The following GMEB1 variants were observed in gnomAD, a reference collection of about 807,000 sequenced individuals.
GMEB1 encodes the protein glucocorticoid modulatory element binding protein 1.
Under a neutral mutation model 52.4 loss-of-function variants are expected in GMEB1, and 6 were observed. That is an observed-to-expected ratio of 0.11 (90% confidence interval 0.06 to 0.23). The LOEUF is 0.23. GMEB1 is among the 10% of genes least tolerant of loss of function. GMEB1 has a pLI of 1.00. For missense variants in GMEB1, 486 were observed against 685.6 expected, an observed-to-expected ratio of 0.71 and a Z score of 3.25; for synonymous variants, 255 against 244.9, an observed-to-expected ratio of 1.04 and a Z score of -0.38.
intron 2 of GMEB1, among the ~76,000 whole-genome samples, chr1:28,684,884 C>T (rs933560273): frequency 6.6e-6 from 1 of 152,082 alleles, no homozygotes; most frequent in Admixed American, 6.6e-5. Flanking sequence ...ATAAAAATTC[C>T]AGTTCTAATC....
intron 1 of GMEB1, among the ~76,000 whole-genome samples, chr1:28,676,720 G>A (rs1027977392): frequency 4.7e-5 from 6 of 128,634 alleles, no homozygotes; most frequent in South Asian, 6.1e-4. Context: ...GCAAGACTCC[G>A]TCTCAAAAAA....
intron 3 of GMEB1, 97 bp downstream of exon 3, chr1:28,690,283 T>C: frequency 1.6e-6 from 1 of 622,530 alleles, no homozygotes; most frequent in Non-Finnish European, 2.7e-6. Context: ...CATCTGTGCC[T>C]TATGTTTTTC....
intron 8 of GMEB1, 26 bp downstream of exon 8, chr1:28,704,355 C>T (rs1307939987): frequency 6.3e-7 from 1 of 1,598,184 alleles, no homozygotes; most frequent in Non-Finnish European, 8.5e-7. Flanking sequence ...CTAACAGTAG[C>T]AGTGATTTAT....
In GMEB1 at chr1:28,709,807, G is replaced by A. The variant is rs546667828; in HGVS notation, c.869-713G>A. Among the ~76,000 whole-genome samples the A allele has an allele frequency of 2.0e-5, 3 of 151,832 alleles. No individual in the cohort carries two copies. The East Asian group carries it at 5.8e-4, about 29-fold the overall frequency. ...TTACCCAGCTAATTTTTGTATTTTTGTTAGAGACTGGGATTACAAATGTGA... is the reference window on the plus strand; with the variant it reads ...TTACCCAGCTAATTTTTGTATTTTTATTAGAGACTGGGATTACAAATGTGA... On this transcript the variant is annotated intron_variant, in intron 8 of 9. Transcript: ENST00000373816.
At chr1:28,706,523 G>C (rs1670775611) in intron 8 of GMEB1, among the ~76,000 whole-genome samples, 1 of 151,354 alleles carries the variant, frequency 6.6e-6, no homozygotes, top group African/African-American at 2.4e-5. Flanking sequence ...AGAATCGCTT[G>C]AACCCGGCAG....
At chr1:28,694,175 T>C (rs2124522662) in intron 5 of GMEB1, among the ~76,000 whole-genome samples, 1 of 151,862 alleles carries the variant, frequency 6.6e-6, no homozygotes, top group South Asian at 2.1e-4. Context: ...GTTGACATGG[T>C]CTGTGTGTTG....
intron 1 of GMEB1, among the ~76,000 whole-genome samples, chr1:28,675,662 A>C (rs867352382): frequency 6.7e-6 from 1 of 149,698 alleles, no homozygotes; most frequent in Middle Eastern, 3.5e-3. Flanking sequence ...CCTGGGCAAC[A>C]GAGTGAGACT....
rs75293139 is a variant in GMEB1, at chr1:28,681,336, C to T, written c.-30-2247C>T. Among the ~76,000 whole-genome samples, 258 of 152,160 alleles carry T rather than the reference C, an allele frequency of 1.7e-3. 3 individuals are homozygous for T. In the East Asian group the frequency reaches 0.041, roughly 24 times the overall value. On this transcript the variant is annotated intron_variant, in intron 1 of 9. Transcript: ENST00000373816. The stretch of plus-strand genomic sequence containing the variant: ...TGAGCCAAGATCGTGCCACAGAACT[C>T]CAGTCTGGGCAACGGAGCGAGACCG...
chr1:28,682,282 G>T (rs1669426328), intron 1 of GMEB1, among the ~76,000 whole-genome samples: 1 of 151,994 alleles, frequency 6.6e-6, no homozygotes, highest in African/African-American at 2.4e-5. Flanking sequence ...CTCTGCAAGG[G>T]AGATACTGGG....
At chr1:28,693,428 A>G (rs1670055247) in intron 5 of GMEB1, among the ~76,000 whole-genome samples, 1 of 151,918 alleles carries the variant, frequency 6.6e-6, no homozygotes, top group South Asian at 2.1e-4. Flanking sequence ...CATGTTGGTC[A>G]GGCTGATCTT....
At position 28,687,379 on chromosome 1, in the gene GMEB1, C is replaced by CAAAAAAAAAAAAA. The variant is rs1399256461; in HGVS notation, c.129-2724_129-2723insAAAAAAAAAAAAA. On this transcript the variant is annotated intron_variant, in intron 2 of 9. Transcript: ENST00000373816. The stretch of plus-strand genomic sequence containing the variant: ...ACACACACACACACACACACACACA[C>CAAAAAAAAAAAAA]ACACACACAAAAAAAGACAGTGGAG... 1.8e-3 allele frequency among the ~76,000 whole-genome samples: 30 copies of CAAAAAAAAAAAAA among 16,372 alleles called. 8 individuals are homozygous for CAAAAAAAAAAAAA. The highest frequency in any genetic ancestry group is 4.2e-3 in the East Asian group (1 of 236). 10.7% of individuals were successfully genotyped at this position (16,372 alleles called of 152,430 possible).
intron 5 of GMEB1, among the ~76,000 whole-genome samples, chr1:28,694,397 T>C (rs1479499575): frequency 6.6e-6 from 1 of 151,390 alleles, no homozygotes; most frequent in Non-Finnish European, 1.5e-5. Context: ...GGTTTCATCA[T>C]GTTAGCCAGG....
rs1223141999 is a variant in GMEB1, at chr1:28,719,195, G to C, written c.*4422G>C. 6.6e-6 allele frequency: 1 copy of C among 152,306 alleles called. No homozygotes were observed. Among genetic ancestry groups the C allele is most frequent in the Non-Finnish European group, 1.5e-5 (1 of 68,070 alleles). 9.4% of individuals were successfully genotyped at this position (152,306 alleles called of 1,614,324 possible). ...TGCCATATGGTTTCCACGAAGGCCT[G>C]AGAGTCAGCTGTACAACTGTCTTGT... On this transcript the variant is annotated 3_prime_UTR_variant, in exon 10 of 10. Coordinates refer to ENST00000373816, the MANE Select transcript of GMEB1 (RefSeq NM_001319674.2).
chr1:28,714,449 C>G lies in GMEB1; in HGVS notation c.1368C>G (p.His456Gln). The change falls in exon 10 of 10, where the codon CAC (histidine) becomes CAG (glutamine). Residue 456 changes from histidine (H) to glutamine (Q), a missense_variant. Physicochemically the swap from His to Gln is conservative, Grantham distance 24 (BLOSUM62 0). Coordinates refer to ENST00000373816, the MANE Select transcript of GMEB1 (RefSeq NM_001319674.2). ...GCTCACCAGACACAGTGACCATCCACCCTTCATCTAGCTTGGCGCTGCTGA... is the reference window on the plus strand; with the variant it reads ...GCTCACCAGACACAGTGACCATCCAGCCTTCATCTAGCTTGGCGCTGCTGA... ...KSSSPDTVTIHPSSSLALLSS... is the reference protein window; with the variant it reads ...KSSSPDTVTIQPSSSLALLSS... The G allele has an allele frequency of 6.2e-7, 1 of 1,614,234 alleles. No individual in the cohort carries two copies. Among genetic ancestry groups the G allele is most frequent in the Non-Finnish European group, 8.5e-7 (1 of 1,180,038 alleles).
rs150230611 is a variant in GMEB1, at chr1:28,693,609, C to T, written c.440+564C>T. ...TCGGCTCACTGCAACCTCGGCCTCC[C>T]GGGTTCAAGCAATTGTAGTTTTTAG... On this transcript the variant is annotated intron_variant, in intron 5 of 9. Transcript: ENST00000373816. Among the ~76,000 whole-genome samples, 189 of 151,894 alleles carry T rather than the reference C, an allele frequency of 1.2e-3. 3 individuals are homozygous for T. In the East Asian group the frequency reaches 0.034, roughly 27 times the overall value.
At chr1:28,673,837 G>A (rs992128830) in intron 1 of GMEB1, among the ~76,000 whole-genome samples, 1 of 151,824 alleles carries the variant, frequency 6.6e-6, no homozygotes, top group African/African-American at 2.4e-5. Context: ...AACATAGCAA[G>A]ACCTCATGTC....
chr1:28,672,017 CAGG>C (rs1668906340), intron 1 of GMEB1, among the ~76,000 whole-genome samples: 1 of 149,736 alleles, frequency 6.7e-6, no homozygotes, highest in African/African-American at 2.4e-5. Context: ...CCTTGGGAGG[CAGG>C]AGAATTGCTT....
At chr1:28,713,964 A>G (rs952075599) in intron 9 of GMEB1, 109 bp from the exon 10 acceptor site, 2 of 770,346 alleles carry the variant, frequency 2.6e-6, no homozygotes, top group South Asian at 1.7e-5. Context: ...ACTTGCCTGA[A>G]GCTACTTAGT....
At chr1:28,673,757 T>C (rs1669008752) in intron 1 of GMEB1, among the ~76,000 whole-genome samples, 1 of 152,136 alleles carries the variant, frequency 6.6e-6, no homozygotes, top group Admixed American at 6.6e-5. Flanking sequence ...CTCAGGTCTT[T>C]AATCTCAGCA....
Sources: allele counts gnomAD v4.1 joint callset (sites outside exome capture counted in the v4.1 genomes callset), GRCh38; gene constraint gnomAD v4.1.1; transcripts MANE v1.5; gene names NCBI Gene and HGNC (gene_info 2026-07-23, HGNC 2026-07-21).